The following RYR2 variants were observed in gnomAD, a reference collection of about 807,000 sequenced individuals.
RYR2 encodes the protein ryanodine receptor 2, also known as cardiac muscle ryanodine receptor-calcium release channel.
In RYR2, 227 loss-of-function variants were observed where a neutral mutation model predicts 601.1. That is an observed-to-expected ratio of 0.38 (90% confidence interval 0.34 to 0.42). The LOEUF (loss-of-function observed/expected upper bound fraction) is 0.42, where lower values mean the gene tolerates loss of function less well. Among genes scored for constraint, RYR2 ranks in the 10% least tolerant of loss-of-function variants. The pLI, the probability that RYR2 is intolerant of heterozygous loss-of-function variation, is 1.00. For missense variants in RYR2, 4,646 were observed against 6,156.5 expected, an observed-to-expected ratio of 0.75 and a Z score of 8.21; for synonymous variants, 2,223 against 2,175.1, an observed-to-expected ratio of 1.02 and a Z score of -0.61.
chr1:237,176,179 G>A (rs924739109), intron 1 of RYR2, among the ~76,000 whole-genome samples: 2 of 151,122 alleles, frequency 1.3e-5, no homozygotes, highest in East Asian at 3.9e-4. Context: ...GGGGAGCTCG[G>A]GGAGCTATGA....
intron 101 of RYR2, among the ~76,000 whole-genome samples, chr1:237,822,826 C>T (rs568140516): frequency 6.6e-6 from 1 of 152,122 alleles, no homozygotes; most frequent in African/African-American, 2.4e-5. Context: ...AATAAAGGGA[C>T]TGAGGAATAT....
chr1:237,584,652 T>TTTTGTTG (rs1160143859), intron 29 of RYR2, among the ~76,000 whole-genome samples: 1 of 133,380 alleles, frequency 7.5e-6, no homozygotes, highest in Non-Finnish European at 1.6e-5. Flanking sequence ...ACCACCTGTT[T>TTTTGTTG]TTTTTTTTTT....
rs149074918 is a variant in RYR2 at position 237,189,467 on chromosome 1, C to T, written c.49-81030C>T. On this transcript the variant is annotated intron_variant, in intron 1 of 104. Coordinates refer to ENST00000366574, the MANE Select transcript of RYR2 (RefSeq NM_001035.3). ...ATATGTCCCCACAAAATTCACATGG[C>T]GAATTCCAAGCCCTGATGTAATGGT... Among the ~76,000 whole-genome samples the T allele has an allele frequency of 3.2e-3, 480 of 152,266 alleles. 2 individuals are homozygous for T. The highest frequency in any genetic ancestry group is 3.9e-3 in the Non-Finnish European group (267 of 68,026).
chr1:237,319,524 G>A (rs777084344), intron 2 of RYR2, among the ~76,000 whole-genome samples: 1 of 152,024 alleles, frequency 6.6e-6, no homozygotes, highest in Non-Finnish European at 1.5e-5. Context: ...GTCTCTCCTT[G>A]ATGGGTGGCC....
intron 84 of RYR2, among the ~76,000 whole-genome samples, chr1:237,766,388 CA>C (rs1474416058): frequency 3.3e-5 from 5 of 152,170 alleles, no homozygotes; most frequent in Non-Finnish European, 7.3e-5. Flanking sequence ...TTGACTCCTC[CA>C]AAGATAGTGA....
chr1:237,426,468 G>T (rs1706161836), intron 12 of RYR2, among the ~76,000 whole-genome samples: 1 of 152,080 alleles, frequency 6.6e-6, no homozygotes, highest in Non-Finnish European at 1.5e-5. Flanking sequence ...GCTAGCAGAG[G>T]GGTGGGAATT....
intron 1 of RYR2, among the ~76,000 whole-genome samples, chr1:237,236,636 A>T (rs2149213148): frequency 1.3e-5 from 2 of 152,326 alleles, no homozygotes; most frequent in Admixed American, 1.3e-4. Context: ...ATAACAAAAA[A>T]CATGGAAGTG....
Position 237,707,200 on chromosome 1 carries a change from G to A in RYR2, c.9832G>A (p.Gly3278Arg). Residue 3278 changes from glycine to arginine, a missense_variant, in exon 68 of 105, where the codon GGG becomes AGG. Physicochemically the swap from Gly to Arg is moderately radical, Grantham distance 125. Around this residue, in one of 17 missense-constraint regions of RYR2, gnomAD observed 1,497 missense variants for 1,842.6 expected, o/e 0.81. Coordinates refer to ENST00000366574, the MANE Select transcript of RYR2 (RefSeq NM_001035.3). ...LNSEHMNTLL[G>R]NILKIIYNNL... Reference sequence around the variant, plus strand: ...CTCAGAGCACATGAACACACTTCTAGGGAACATATTGAAAATCATATATAA... The same window carrying A: ...CTCAGAGCACATGAACACACTTCTAAGGAACATATTGAAAATCATATATAA... 6.2e-7 allele frequency: 1 copy of A among 1,604,550 alleles called. No individual in the cohort carries two copies. The highest frequency in any genetic ancestry group is 8.5e-7 in the Non-Finnish European group (1 of 1,172,650).
intron 90 of RYR2, among the ~76,000 whole-genome samples, chr1:237,785,341 C>T (rs1695463200): frequency 6.6e-6 from 1 of 152,118 alleles, no homozygotes; most frequent in South Asian, 2.1e-4. Flanking sequence ...CTGTGATTTT[C>T]TTTGGCATGT....
chr1:237,509,651 C>T (rs1665676777), intron 23 of RYR2, among the ~76,000 whole-genome samples: 1 of 152,144 alleles, frequency 6.6e-6, no homozygotes, highest in African/African-American at 2.4e-5. Flanking sequence ...TTGAAAAGGC[C>T]TTGACTTTTA....
chr1:237,708,223 G>A (rs1573611989), intron 68 of RYR2, among the ~76,000 whole-genome samples: 2 of 152,176 alleles, frequency 1.3e-5, no homozygotes, highest in East Asian at 3.9e-4. Context: ...ATCTACTGAT[G>A]AAAACTCCAG....
intron 17 of RYR2, among the ~76,000 whole-genome samples, chr1:237,480,911 G>A (rs1052161585): frequency 1.3e-5 from 2 of 151,576 alleles, no homozygotes; most frequent in African/African-American, 2.4e-5. Flanking sequence ...TTGCCAAGCC[G>A]TGTTATATTT....
intron 101 of RYR2, among the ~76,000 whole-genome samples, chr1:237,827,627 C>CAAAA (rs55896893): frequency 3.7e-4 from 29 of 79,414 alleles, no homozygotes; most frequent in African/African-American, 9.9e-4. Flanking sequence ...AAGACTGTCT[C>CAAAA]AAAAAAAAAA....
rs1451914416 is a variant in RYR2, at chr1:237,180,600, A to ATATATG, written c.49-89892_49-89891insGTATAT. Among the ~76,000 whole-genome samples the ATATATG allele has an allele frequency of 0.028, 3,493 of 123,644 alleles. 77 individuals carry two copies. Among genetic ancestry groups the ATATATG allele is most frequent in the Non-Finnish European group, 0.043 (2,576 of 59,734 alleles). The allele number at this position is 123,644 out of a possible 152,430, so 81.1% of individuals were successfully genotyped here. ...TGTGTGTATATATGTATATATAAGT[A>ATATATG]TATATATGTATATATGTATATATGT... On this transcript the variant is annotated intron_variant, in intron 1 of 104. Coordinates refer to ENST00000366574, the MANE Select transcript of RYR2 (RefSeq NM_001035.3). This position sits in a 1 kb window ranked among gnomAD's most constrained non-coding sequence, Gnocchi z 5.3.
At chr1:237,391,984 G>A (rs760351500) in intron 10 of RYR2, among the ~76,000 whole-genome samples, 5 of 151,702 alleles carry the variant, frequency 3.3e-5, no homozygotes, top group African/African-American at 4.8e-5. Context: ...ATTTTTTTCC[G>A]AAAGACAAAT....
At chr1:237,832,366 A>G (rs2102965823) in intron 104 of RYR2, among the ~76,000 whole-genome samples, 186 bp from the exon 105 acceptor site, 1 of 152,184 alleles carries the variant, frequency 6.6e-6, no homozygotes, top group South Asian at 2.1e-4. Flanking sequence ...TATTTTTATC[A>G]TTATAATGGT....
chr1:237,144,198 A>G (rs1464678074), intron 1 of RYR2, among the ~76,000 whole-genome samples: 1 of 152,200 alleles, frequency 6.6e-6, no homozygotes, highest in African/African-American at 2.4e-5. Flanking sequence ...AAGAGTGCCA[A>G]GACAGAAATC....
intron 1 of RYR2, among the ~76,000 whole-genome samples, chr1:237,244,563 C>A (rs1226438713): frequency 6.6e-6 from 1 of 152,078 alleles, no homozygotes; most frequent in Non-Finnish European, 1.5e-5. Context: ...CTGATGGAAC[C>A]AATGTGTTGG....
At chr1:237,469,046 G>C (rs759219659) in intron 16 of RYR2, 46 bp from the exon 17 acceptor site, 17 of 1,504,752 alleles carry the variant, frequency 1.1e-5, no homozygotes, top group African/African-American at 2.8e-5. Context: ...CTCAATTTTC[G>C]AGCTAGAAAA....
Sources: allele counts gnomAD v4.1 joint callset (sites outside exome capture counted in the v4.1 genomes callset), GRCh38; gene constraint gnomAD v4.1.1; regional missense constraint gnomAD v4.1.1; non-coding constraint Gnocchi (gnomAD v3.1); transcripts MANE v1.5; gene names NCBI Gene and HGNC (gene_info 2026-07-23, HGNC 2026-07-21).